CDH12: variants seen among roughly 807,000 people sequenced by gnomAD.
CDH12 encodes cadherin 12.
In CDH12, 41 loss-of-function variants were observed where a neutral mutation model predicts 74.1. That is an observed-to-expected ratio of 0.55 (90% CI 0.43 to 0.72). CDH12 has a LOEUF of 0.72. CDH12 is among the 30% of genes least tolerant of loss of function. The pLI is 0.00. For missense variants in CDH12, 945 were observed against 977.2 expected (o/e 0.97, Z 0.44); for synonymous variants, 399 against 355.0 (o/e 1.12, Z -1.39).
At chr5:22,787,986 C>T (rs993192255) in intron 1 of CDH12, among the ~76,000 whole-genome samples, 1 of 152,106 alleles carries the variant, frequency 6.6e-6, no homozygotes. Flanking sequence ...TAAGTTCAGC[C>T]ACACTCAAGG....
At chr5:22,691,010 T>A (rs1355211955) in intron 1 of CDH12, among the ~76,000 whole-genome samples, 1 of 152,170 alleles carries the variant, frequency 6.6e-6, no homozygotes, top group African/African-American at 2.4e-5. Context: ...TCCTTTTAGC[T>A]AGATATGATA....
intron 2 of CDH12, among the ~76,000 whole-genome samples, chr5:22,431,431 A>C (rs1328132408): frequency 1.3e-5 from 2 of 152,246 alleles, no homozygotes; most frequent in African/African-American, 2.4e-5. Context: ...ATGGTATAAA[A>C]GTAACAGCAC....
At chr5:22,675,554 A>G (rs751142034) in intron 1 of CDH12, among the ~76,000 whole-genome samples, 3 of 152,042 alleles carry the variant, frequency 2.0e-5, no homozygotes, top group Non-Finnish European at 4.4e-5. Flanking sequence ...CTTTTGAGTT[A>G]ATGCTGAAAT....
intron 3 of CDH12, among the ~76,000 whole-genome samples, chr5:22,261,553 A>C (rs1284406723): frequency 6.6e-6 from 1 of 152,064 alleles, no homozygotes; most frequent in Non-Finnish European, 1.5e-5. Context: ...TACTGGGCTC[A>C]TCTTGTCATA....
chr5:21,813,928 C>T (rs577907916), intron 9 of CDH12, among the ~76,000 whole-genome samples: 11 of 152,234 alleles, frequency 7.2e-5, no homozygotes, highest in South Asian at 4.1e-4. Context: ...TATCTCCTGA[C>T]GTCCTCAGTT....
At chr5:21,947,523 C>T (rs575678990) in intron 6 of CDH12, among the ~76,000 whole-genome samples, 6 of 152,162 alleles carry the variant, frequency 3.9e-5, no homozygotes, top group South Asian at 2.1e-4. Context: ...GCATTTTGCC[C>T]CTGTCCTAGA....
chr5:21,809,458 C>G (rs1164082067), intron 9 of CDH12, among the ~76,000 whole-genome samples: 1 of 152,078 alleles, frequency 6.6e-6, no homozygotes, highest in African/African-American at 2.4e-5. Flanking sequence ...ATTATCTTTT[C>G]TAACATGCAT....
chr5:22,570,953 T>C (rs1256292619), intron 1 of CDH12, among the ~76,000 whole-genome samples: 1 of 152,206 alleles, frequency 6.6e-6, no homozygotes, highest in East Asian at 1.9e-4. Flanking sequence ...CTGCTTCACT[T>C]TGCAGTTTTA....
intron 2 of CDH12, among the ~76,000 whole-genome samples, chr5:22,475,848 C>A (rs1178094424): frequency 6.6e-6 from 1 of 152,022 alleles, no homozygotes; most frequent in Non-Finnish European, 1.5e-5. Flanking sequence ...ACTGTATTAG[C>A]TGTAATTTAC....
At chr5:22,245,041 C>G (rs752833346) in intron 3 of CDH12, among the ~76,000 whole-genome samples, 1 of 152,072 alleles carries the variant, frequency 6.6e-6, no homozygotes, top group Non-Finnish European at 1.5e-5. Context: ...CAGGGCACTG[C>G]GGCAGAGCAC....
chr5:22,176,521 G>T lies in CDH12; in HGVS notation c.-187+35977C>A, dbSNP rs551951507. ...AGCAGCTTTGTTTCTCATACCAAAT[G>T]CTAGGTGTCATCTTTTTATTCCTTC... On this transcript the variant is annotated intron_variant, in intron 4 of 14. Coordinates refer to ENST00000382254, the MANE Select transcript of CDH12 (RefSeq NM_004061.5). Among the ~76,000 whole-genome samples the T allele has an allele frequency of 4.6e-5, 7 of 152,114 alleles. No individual in the cohort carries two copies. The South Asian group carries it at 1.0e-3, about 23-fold the overall frequency.
intron 5 of CDH12, among the ~76,000 whole-genome samples, chr5:21,994,364 G>C (rs1397789499): frequency 6.6e-6 from 1 of 152,000 alleles, no homozygotes; most frequent in Non-Finnish European, 1.5e-5. Context: ...AAGTATTCTT[G>C]ACTTTTCCAC....
chr5:22,195,906 A>G (rs990404375), intron 4 of CDH12, among the ~76,000 whole-genome samples: 2 of 151,546 alleles, frequency 1.3e-5, no homozygotes, highest in African/African-American at 4.9e-5. Flanking sequence ...TCTCTCTTTC[A>G]TTTTCTCAGT....
chr5:22,185,001 T>TC (rs1329904476), intron 4 of CDH12, among the ~76,000 whole-genome samples: 1 of 151,938 alleles, frequency 6.6e-6, no homozygotes, highest in East Asian at 1.9e-4. Context: ...CCCTCCCCTC[T>TC]CCCACCCTAC....
chr5:22,494,666 A>G (rs1171269986), intron 2 of CDH12, among the ~76,000 whole-genome samples: 7 of 152,234 alleles, frequency 4.6e-5, no homozygotes, highest in Non-Finnish European at 1.0e-4. Context: ...ATAAAGCTGC[A>G]GTTTCCAAGA....
chr5:22,661,290 C>G (rs975827172), intron 1 of CDH12, among the ~76,000 whole-genome samples: 1 of 152,120 alleles, frequency 6.6e-6, no homozygotes, highest in African/African-American at 2.4e-5. Context: ...TCTTGTTTGT[C>G]TTTATGATCT....
chr5:22,435,524 G>GTGTGTGTA (rs148027987), intron 2 of CDH12, among the ~76,000 whole-genome samples: 25,943 of 148,560 alleles, frequency 0.17, 2,813 homozygotes, highest in Admixed American at 0.35. Flanking sequence ...GTGTGTGTGT[G>GTGTGTGTA]TATATACATA....
intron 7 of CDH12, among the ~76,000 whole-genome samples, chr5:21,844,908 A>G (rs1750076125): frequency 6.6e-6 from 1 of 152,124 alleles, no homozygotes; most frequent in Non-Finnish European, 1.5e-5. Context: ...AATTTCGAAG[A>G]CTATCTTCAA....
chr5:22,678,908 G>C (rs1398386574), intron 1 of CDH12, among the ~76,000 whole-genome samples: 2 of 152,044 alleles, frequency 1.3e-5, no homozygotes, highest in Admixed American at 6.6e-5. Context: ...ATCTTTAAAG[G>C]TAGCTATATG....
Sources: gnomAD v4.1 joint callset for allele counts (sites outside exome capture counted in the v4.1 genomes callset) on GRCh38, gnomAD v4.1.1 for gene constraint, MANE v1.5 for transcripts, NCBI Gene and HGNC (gene_info 2026-07-23, HGNC 2026-07-21) for gene names.